The following LACC1 variants were observed in gnomAD, a reference collection of about 807,000 sequenced individuals.
LACC1 encodes laccase domain multifunctional purine nucleosidase 1.
Under a neutral mutation model 34.8 loss-of-function variants are expected in LACC1, and 25 were observed. That is an observed-to-expected ratio of 0.72 (90% CI 0.52 to 1.00). LACC1 has a LOEUF of 1.00. Among genes scored for constraint, LACC1 ranks in the 50% least tolerant of loss-of-function variants. LACC1 has a pLI of 0.00. For synonymous variants in LACC1, 162 were observed against 168.0 expected, an observed-to-expected ratio of 0.96 and a Z score of 0.28; for missense variants, 426 against 511.2, an observed-to-expected ratio of 0.83 and a Z score of 1.61.
upstream of LACC1, chr13:43,879,805 A>AGGCGGGGCGGGGCGG (rs1566961082): frequency 2.3e-5 from 1 of 42,650 alleles, no homozygotes; most frequent in East Asian, 3.7e-4. Flanking sequence ...GGGCGAGGCG[A>AGGCGGGGCGGGGCGG]GGCGGGGCGA....
intron 3 of LACC1, among the ~76,000 whole-genome samples, chr13:43,882,585 A>ATATATATATG (rs1955125901): frequency 6.8e-6 from 1 of 147,848 alleles, no homozygotes; most frequent in South Asian, 2.1e-4. Flanking sequence ...ATATATATAT[A>ATATATATATG]TGCACACACA....
chr13:43,883,978 G>A (rs1955196977), intron 4 of LACC1, 42 bp downstream of exon 4: 1 of 1,541,510 alleles, frequency 6.5e-7, no homozygotes, highest in African/African-American at 1.4e-5. Flanking sequence ...TACTCATTTT[G>A]TTGTGCAGGA....
chr13:43,880,960 T>C lies in LACC1; in HGVS notation c.-26T>C. 6.4e-7 allele frequency: 1 copy of C among 1,556,818 alleles called. No individual in the cohort carries two copies. Among genetic ancestry groups the C allele is most frequent in the Non-Finnish European group, 8.7e-7 (1 of 1,146,590 alleles). On this transcript the variant is annotated 5_prime_UTR_variant, in exon 2 of 7. Coordinates refer to ENST00000325686, the MANE Select transcript of LACC1 (RefSeq NM_153218.4). ...CTAATTTTTATTTGCAGGTGATTTATTTGGCATAAAAGTATTCTTTCAAGG... is the reference window on the plus strand; with the variant it reads ...CTAATTTTTATTTGCAGGTGATTTACTTGGCATAAAAGTATTCTTTCAAGG...
Position 43,881,565 on chromosome 13 carries a change from T to G in LACC1, c.562+18T>G. 1.3e-6 allele frequency: 2 copies of G among 1,537,054 alleles called. No homozygotes were observed. The highest frequency in any genetic ancestry group is 1.2e-5 in the South Asian group (1 of 82,156). ...GATCCCAGGTATATTAACCACTAACTGTTGTTTTTACTTTGTACATGGAAA... is the reference window on the plus strand; with the variant it reads ...GATCCCAGGTATATTAACCACTAACGGTTGTTTTTACTTTGTACATGGAAA... On this transcript the variant is annotated intron_variant, in intron 2 of 6. Transcript: ENST00000325686.
At position 43,888,957 on chromosome 13, in the gene LACC1, T is replaced by C; in HGVS notation, c.1108T>C (p.Cys370Arg). 1 of 1,613,560 alleles carries C rather than the reference T, an allele frequency of 6.2e-7. No individual in the cohort carries two copies. Among genetic ancestry groups the C allele is most frequent in the Admixed American group, 1.7e-5 (1 of 59,990 alleles). ...ACAACTATTTGATTCACCAAATCCC[T>C]GTATCGACATCCGTAAAGCCACAAG... ...CVQLFDSPNP[C>R]IDIRKATRIL... Residue 370 changes from cysteine to arginine, a missense_variant, in exon 5 of 7, where the codon TGT becomes CGT. Physicochemically the swap from Cys to Arg is radical, Grantham distance 180. Coordinates refer to ENST00000325686, the MANE Select transcript of LACC1 (RefSeq NM_153218.4).
At chr13:43,880,160 GA>G (rs1954924657) in intron 1 of LACC1, 41 bp downstream of exon 1, 1 of 139,104 alleles carries the variant, frequency 7.2e-6, no homozygotes, top group Non-Finnish European at 1.5e-5. Context: ...ACGTTGGGCG[GA>G]AATTCACAAT....
At chr13:43,883,707 A>G (rs1345317354) in intron 3 of LACC1, 64 bp from the exon 4 acceptor site, 6 of 1,284,398 alleles carry the variant, frequency 4.7e-6, no homozygotes, top group Non-Finnish European at 6.4e-6. Context: ...AGTACCTTCG[A>G]GAAAGCTTAT....
chr13:43,891,231 A>G (rs2138377080), intron 6 of LACC1, among the ~76,000 whole-genome samples: 1 of 152,376 alleles, frequency 6.6e-6, no homozygotes, highest in South Asian at 2.1e-4. Flanking sequence ...TTGGAATTAT[A>G]CAAAAATATT....
In LACC1 at chr13:43,892,952, A is replaced by G. The variant is rs1955618643; in HGVS notation, c.*1505A>G. 1 of 152,120 alleles carries G rather than the reference A, an allele frequency of 6.6e-6. No homozygotes were observed. Among genetic ancestry groups the G allele is most frequent in the African/African-American group, 2.4e-5 (1 of 41,406 alleles). 9.4% of individuals were successfully genotyped at this position (152,120 alleles called of 1,614,324 possible). ...TTAGGAAGAAGATGCATAGGTGTCAACTCTTTTCTGACAGCATTTACTAGA... is the reference window on the plus strand; with the variant it reads ...TTAGGAAGAAGATGCATAGGTGTCAGCTCTTTTCTGACAGCATTTACTAGA... On this transcript the variant is annotated 3_prime_UTR_variant, in exon 7 of 7. Coordinates refer to ENST00000325686, the MANE Select transcript of LACC1 (RefSeq NM_153218.4).
intron 1 of LACC1, 41 bp from the exon 2 acceptor site, chr13:43,880,911 T>C: frequency 7.9e-7 from 1 of 1,261,406 alleles, no homozygotes; most frequent in Non-Finnish European, 1.1e-6. Context: ...AACTATAAGA[T>C]TTATATAATC....
chr13:43,881,415 A>G lies in LACC1; in HGVS notation c.430A>G (p.Lys144Glu). Residue 144 changes from lysine (K) to glutamate (E), a missense_variant, in exon 2 of 7, where the codon AAA (lysine) becomes GAA (glutamate). By Grantham distance (56) the Lys-to-Glu change is moderately conservative. Transcript: ENST00000325686. Reference sequence around the variant, plus strand: ...AGTGACTTTTAGGGGAGGGCTTTTTAAACAGTCCATTGAAATAAACGTAAT... The same window carrying G: ...AGTGACTTTTAGGGGAGGGCTTTTTGAACAGTCCATTGAAATAAACGTAAT... Reference protein sequence around the residue: ...LQVTFRGGLFKQSIEINVITA... With the variant: ...LQVTFRGGLFEQSIEINVITA... 6 of 1,614,146 alleles carry G rather than the reference A, an allele frequency of 3.7e-6. No individual in the cohort carries two copies. Among genetic ancestry groups the G allele is most frequent in the Non-Finnish European group, 5.1e-6 (6 of 1,180,000 alleles).
intron 4 of LACC1, among the ~76,000 whole-genome samples, chr13:43,887,832 C>A (rs576061912): frequency 2.0e-4 from 31 of 152,192 alleles, no homozygotes; most frequent in African/African-American, 7.0e-4. Context: ...AAGTTGAAAT[C>A]CTGGTGCACT....
intron 6 of LACC1, among the ~76,000 whole-genome samples, chr13:43,890,790 T>C (rs1358176474): frequency 2.0e-5 from 3 of 152,182 alleles, no homozygotes; most frequent in African/African-American, 7.2e-5. Flanking sequence ...TTATCTGCAG[T>C]TGGAGTTGCC....
At chr13:43,883,566 A>G (rs987571045) in intron 3 of LACC1, among the ~76,000 whole-genome samples, 2 of 43,158 alleles carry the variant, frequency 4.6e-5, no homozygotes, top group Admixed American at 2.3e-4. Context: ...TGCATAAACT[A>G]TCAGAGATTA....
intron 4 of LACC1, among the ~76,000 whole-genome samples, chr13:43,888,470 T>C (rs1955433194): frequency 6.6e-6 from 1 of 152,136 alleles, no homozygotes; most frequent in Non-Finnish European, 1.5e-5. Context: ...ACCACAATCT[T>C]TTAAAATGTG....
chr13:43,889,013 G>T (rs1460583705), intron 5 of LACC1, 31 bp downstream of exon 5: 1 of 1,490,142 alleles, frequency 6.7e-7, no homozygotes, highest in South Asian at 1.1e-5. Flanking sequence ...CTGCAAGTTT[G>T]ATTATTTCTG....
At chr13:43,888,734 C>T (rs1955442247) in intron 4 of LACC1, 23 bp from the exon 5 acceptor site, 1 of 1,579,846 alleles carries the variant, frequency 6.3e-7, no homozygotes, top group South Asian at 1.1e-5. Context: ...CTTCTCTTAT[C>T]TCTTTTTATT....
chr13:43,880,437 T>C (rs1954949872), intron 1 of LACC1, among the ~76,000 whole-genome samples: 1 of 152,200 alleles, frequency 6.6e-6, no homozygotes, highest in African/African-American at 2.4e-5. Flanking sequence ...TTTGTGGTCA[T>C]TGCTAAGTGT....
chr13:43,891,516 A>C lies in LACC1; in HGVS notation c.*69A>C. 2 of 979,786 alleles carry C rather than the reference A, an allele frequency of 2.0e-6. No homozygotes were observed. The highest frequency in any genetic ancestry group is 2.4e-6 in the Non-Finnish European group (2 of 824,624). 60.7% of individuals were successfully genotyped at this position (979,786 alleles called of 1,614,324 possible). A position where few individuals can be genotyped will look rare whatever the true frequency, so the allele number is the denominator to read the frequency against. ...CAAACTGACTGCAAGAGAGAAATTT[A>C]GCTGTTTGATTTACTTAAAACCAAA... On this transcript the variant is annotated 3_prime_UTR_variant, in exon 7 of 7. Transcript: ENST00000325686.
Sources: gnomAD v4.1 joint callset for allele counts (sites outside exome capture counted in the v4.1 genomes callset) on GRCh38, gnomAD v4.1.1 for gene constraint, MANE v1.5 for transcripts, NCBI Gene and HGNC (gene_info 2026-07-23, HGNC 2026-07-21) for gene names.